The following APMAP variants were observed in gnomAD, a reference collection of about 807,000 sequenced individuals.
APMAP encodes the protein adipocyte plasma membrane associated protein.
Under a neutral mutation model 43.6 loss-of-function variants are expected in APMAP, and 33 were observed. That is an observed-to-expected ratio of 0.76 (90% confidence interval 0.57 to 1.01). APMAP has a LOEUF of 1.01. Among genes scored for constraint, APMAP ranks in the 50% least tolerant of loss-of-function variants. The pLI, the probability that APMAP is intolerant of heterozygous loss-of-function variation, is 0.00. For missense variants in APMAP, 498 were observed against 540.7 expected, an observed-to-expected ratio of 0.92 and a Z score of 0.78; for synonymous variants, 224 against 216.7, an observed-to-expected ratio of 1.03 and a Z score of -0.30.
chr20:24,971,766 G>A (rs1420727395), intron 4 of APMAP, among the ~76,000 whole-genome samples, 190 bp from the exon 5 acceptor site: 1 of 151,982 alleles, frequency 6.6e-6, no homozygotes, highest in Non-Finnish European at 1.5e-5. Flanking sequence ...TGTTCATTGT[G>A]GGGTGCTCAC....
Position 24,978,831 on chromosome 20 carries a change from C to A in APMAP, c.264G>T (p.Leu88=), listed in dbSNP as rs775937714. The change falls in exon 3 of 9, where the codon CTG becomes CTT. Residue 88 remains leucine (L), a synonymous_variant. Coordinates refer to ENST00000217456, the MANE Select transcript of APMAP (RefSeq NM_020531.3). The part of the protein sequence containing the change: ...LLGVLHPNTK[L]RQAERLFENQ... ...TTTCAAACAGCCTTTCTGCCTGTCG[C>A]AGCTTCGTATTTGGATGCAGAACAC... is the stretch of plus-strand genomic sequence containing the variant. 4 of 1,612,680 alleles carry A rather than the reference C, an allele frequency of 2.5e-6. No individual in the cohort carries two copies. In the Admixed American group the frequency reaches 5.0e-5, roughly 20 times the overall value.
At chr20:24,968,506 G>A (rs549478188) in intron 8 of APMAP, among the ~76,000 whole-genome samples, 3 of 152,194 alleles carry the variant, frequency 2.0e-5, no homozygotes, top group African/African-American at 7.2e-5. Flanking sequence ...GAGGCAGAGA[G>A]GGGGGTGGAG....
chr20:24,969,140 A>G, intron 7 of APMAP, 56 bp from the exon 8 acceptor site: 1 of 1,487,790 alleles, frequency 6.7e-7, no homozygotes, highest in Non-Finnish European at 9.0e-7. Context: ...TCAGAAAAAA[A>G]ATTTTAGCCA....
chr20:24,964,112 G>A (rs764299774), intron 8 of APMAP, 90 bp from the exon 9 acceptor site: 23 of 1,327,398 alleles, frequency 1.7e-5, no homozygotes, highest in South Asian at 3.8e-5. Flanking sequence ...ATCCAGGAAC[G>A]GTCTGACTCC....
At chr20:24,990,162 G>A (rs749206243) in intron 1 of APMAP, among the ~76,000 whole-genome samples, 1 of 152,032 alleles carries the variant, frequency 6.6e-6, no homozygotes, top group Non-Finnish European at 1.5e-5. Context: ...AGCTTGCACC[G>A]GTATGTTAAA....
intron 8 of APMAP, among the ~76,000 whole-genome samples, chr20:24,964,849 TTCAAGCAGACA>T (rs1182955490): frequency 6.6e-5 from 10 of 152,146 alleles, no homozygotes; most frequent in African/African-American, 2.4e-4. Flanking sequence ...ACTGGAAATG[TTCAAGCAGACA>T]GACAAGCTGA....
chr20:24,970,030 T>G (rs186402290), intron 6 of APMAP, among the ~76,000 whole-genome samples, 167 bp downstream of exon 6: 3 of 152,226 alleles, frequency 2.0e-5, no homozygotes, highest in Non-Finnish European at 4.4e-5. Context: ...CCTTGTTCCA[T>G]TTTGTGACAT....
chr20:24,988,995 T>C (rs2088170029), intron 1 of APMAP, among the ~76,000 whole-genome samples: 1 of 152,232 alleles, frequency 6.6e-6, no homozygotes, highest in Middle Eastern at 3.4e-3. Flanking sequence ...GCCACACTTA[T>C]TTTAGCCCAA....
chr20:24,963,887 C>T lies in APMAP; in HGVS notation c.1177G>A (p.Glu393Lys), dbSNP rs151131612. ...CCCAGGTACAGGTGCCCATCGTGTT[C>T]GTGCACCTCGCTGATGTAGGTGGCC... ...LVATYISEVH[E>K]HDGHLYLGSF... Residue 393 changes from glutamate (E) to lysine (K), a missense_variant, in exon 9 of 9, where the codon GAA (glutamate) becomes AAA (lysine). By Grantham distance (56) the Glu-to-Lys change is moderately conservative. Transcript: ENST00000217456. 995 of 1,614,206 alleles carry T rather than the reference C, an allele frequency of 6.2e-4. 4 individuals carry two copies. Among genetic ancestry groups the T allele is most frequent in the Middle Eastern group, 3.0e-3 (18 of 6,062 alleles).
chr20:24,964,587 C>A (rs922607468), intron 8 of APMAP, among the ~76,000 whole-genome samples: 1 of 152,116 alleles, frequency 6.6e-6, no homozygotes, highest in Non-Finnish European at 1.5e-5. Context: ...TCCTGAGGGA[C>A]GCCTACAGGG....
At chr20:24,985,967 A>C (rs1600290513) in intron 1 of APMAP, among the ~76,000 whole-genome samples, 1 of 152,164 alleles carries the variant, frequency 6.6e-6, no homozygotes, top group African/African-American at 2.4e-5. Context: ...CAGTGGTAGA[A>C]AGCTTGGCTG....
rs2088121179 is a variant in APMAP at position 24,983,451 on chromosome 20, T to C, written c.212+452A>G. 3.3e-5 allele frequency among the ~76,000 whole-genome samples: 5 copies of C among 152,260 alleles called. 1 individual carries two copies. The highest frequency in any genetic ancestry group is 1.2e-4 in the African/African-American group (5 of 41,538). ...TCAGGGGGCTTTACATATACAATAG[T>C]TTTTTCAAATTATAATGGACTGCAT... On this transcript the variant is annotated intron_variant, in intron 2 of 8. Transcript: ENST00000217456.
chr20:24,973,640 CT>C lies in APMAP; in HGVS notation c.421+4del. On this transcript the variant is annotated splice_donor_region_variant and intron_variant, in intron 4 of 8. Transcript: ENST00000217456. ...AGACACATCGAGGGATTATCACCAA[CT>C]TACTGCAAGGGCCCGAACCAAACCG... The C allele has an allele frequency of 6.2e-7, 1 of 1,612,886 alleles. No individual in the cohort carries two copies. The highest frequency in any genetic ancestry group is 8.5e-7 in the Non-Finnish European group (1 of 1,178,892).
intron 2 of APMAP, among the ~76,000 whole-genome samples, chr20:24,979,963 C>T (rs1454614340): frequency 2.0e-5 from 3 of 152,204 alleles, no homozygotes; most frequent in Admixed American, 6.5e-5. Flanking sequence ...GACCACCCAA[C>T]TAAATATCCG....
chr20:24,967,001 G>A (rs1189954048), intron 8 of APMAP, among the ~76,000 whole-genome samples: 1 of 152,104 alleles, frequency 6.6e-6, no homozygotes, highest in Admixed American at 6.6e-5. Flanking sequence ...ATTAAAAAAA[G>A]AAAAAAATCA....
chr20:24,975,431 TC>T (rs1210811121), intron 3 of APMAP, among the ~76,000 whole-genome samples: 14 of 152,154 alleles, frequency 9.2e-5, no homozygotes, highest in African/African-American at 3.4e-4. Flanking sequence ...TACATTAGCA[TC>T]CAAAAGATTG....
intron 1 of APMAP, among the ~76,000 whole-genome samples, chr20:24,986,363 G>A (rs1438820843): frequency 1.3e-5 from 2 of 152,168 alleles, no homozygotes; most frequent in Non-Finnish European, 2.9e-5. Flanking sequence ...CAAACAAAAT[G>A]CCACAGACAC....
At chr20:24,983,003 T>C (rs2088118342) in intron 2 of APMAP, among the ~76,000 whole-genome samples, 1 of 152,244 alleles carries the variant, frequency 6.6e-6, no homozygotes, top group Admixed American at 6.5e-5. Flanking sequence ...CAATCTTACA[T>C]GAGCAAATTG....
chr20:24,988,450 G>A (rs777451891), intron 1 of APMAP, among the ~76,000 whole-genome samples: 7 of 152,164 alleles, frequency 4.6e-5, no homozygotes, highest in South Asian at 2.1e-4. Context: ...TGAAAGCCAC[G>A]GGGCTTACAG....
Sources: allele counts gnomAD v4.1 joint callset (sites outside exome capture counted in the v4.1 genomes callset), GRCh38; gene constraint gnomAD v4.1.1; transcripts MANE v1.5; gene names NCBI Gene and HGNC (gene_info 2026-07-23, HGNC 2026-07-21).